DIP2C: variants seen among roughly 807,000 people sequenced by gnomAD.
DIP2C encodes the protein disco-interacting protein 2 homolog C.
In DIP2C, 33 loss-of-function variants were observed where a neutral mutation model predicts 192.4. The ratio of observed to expected loss-of-function variants is 0.17; its 90% CI spans 0.13 to 0.23. The LOEUF is 0.23. Among genes scored for constraint, DIP2C ranks in the 10% least tolerant of loss-of-function variants. The pLI, the probability that DIP2C is intolerant of heterozygous loss-of-function variation, is 1.00. For synonymous variants in DIP2C, 979 were observed against 864.1 expected, an observed-to-expected ratio of 1.13 and a Z score of -2.33; for missense variants, 1,537 against 2,110.1, an observed-to-expected ratio of 0.73 and a Z score of 5.32.
At position 283,454 on chromosome 10, in the gene DIP2C, C is replaced by T. The variant is rs554187484; in HGVS notation, c.4120-8G>A. ...GGCACTGTGAACCCAAATCTGCAAA[C>T]GGAGGGAAATGTCACTGTGGATGAC... On this transcript the variant is annotated splice_polypyrimidine_tract_variant and splice_region_variant and intron_variant, in intron 34 of 36. Coordinates refer to ENST00000280886, the MANE Select transcript of DIP2C (RefSeq NM_014974.3). 1.1e-5 allele frequency: 18 copies of T among 1,613,538 alleles called. No homozygotes were observed. The highest frequency in any genetic ancestry group is 9.9e-5 in the South Asian group (9 of 90,968).
intron 36 of DIP2C, 84 bp from the exon 37 acceptor site, chr10:277,661 T>C: frequency 1.3e-6 from 2 of 1,543,762 alleles, no homozygotes; most frequent in Non-Finnish European, 1.8e-6. Flanking sequence ...CACTTGGCTC[T>C]CTCTGACCTG....
intron 29 of DIP2C, among the ~76,000 whole-genome samples, chr10:331,024 C>T (rs770666986): frequency 6.1e-5 from 9 of 147,608 alleles, no homozygotes; most frequent in Non-Finnish European, 1.0e-4. Context: ...TATTGTTGCC[C>T]AGGCTGGTCT....
At chr10:525,352 G>GA (rs1846987770) in intron 1 of DIP2C, among the ~76,000 whole-genome samples, 2 of 152,156 alleles carry the variant, frequency 1.3e-5, no homozygotes, top group East Asian at 1.9e-4. Flanking sequence ...GAACACACAT[G>GA]AAATCCCTCT....
At chr10:635,620 G>A (rs1445792791) in intron 1 of DIP2C, among the ~76,000 whole-genome samples, 1 of 152,252 alleles carries the variant, frequency 6.6e-6, no homozygotes, top group Non-Finnish European at 1.5e-5. Flanking sequence ...GTATGACACA[G>A]CAGGAGGCCG....
At chr10:606,283 G>A (rs192663152) in intron 1 of DIP2C, among the ~76,000 whole-genome samples, 127 of 152,212 alleles carry the variant, frequency 8.3e-4, no homozygotes, top group African/African-American at 2.8e-3. Flanking sequence ...TCTGTCCGAG[G>A]GGGAAGACAC....
At chr10:581,971 G>C (rs141912365) in intron 1 of DIP2C, among the ~76,000 whole-genome samples, 2 of 152,166 alleles carry the variant, frequency 1.3e-5, no homozygotes, top group Non-Finnish European at 2.9e-5. Context: ...CCTCAGGTCA[G>C]GCATTGGATC....
chr10:687,692 G>A (rs1831384939), intron 1 of DIP2C, among the ~76,000 whole-genome samples: 1 of 152,208 alleles, frequency 6.6e-6, no homozygotes, highest in Non-Finnish European at 1.5e-5. Flanking sequence ...CATCATCTGG[G>A]CAGCAAGACA....
chr10:369,405 C>CGGGAACGT, intron 18 of DIP2C, 89 bp downstream of exon 18: 6 of 1,450,296 alleles, frequency 4.1e-6, no homozygotes, highest in East Asian at 5.0e-5. Flanking sequence ...CACGGGAACG[C>CGGGAACGT]GGGAACGTGG....
chr10:320,281 G>T (rs1328449098), intron 31 of DIP2C, among the ~76,000 whole-genome samples: 2 of 152,212 alleles, frequency 1.3e-5, no homozygotes, highest in Non-Finnish European at 2.9e-5. Context: ...AGGCTGAGGT[G>T]GGAGGATCAC....
intron 1 of DIP2C, among the ~76,000 whole-genome samples, chr10:502,511 GAC>G (rs1224002883): frequency 6.6e-6 from 1 of 152,036 alleles, no homozygotes; most frequent in Non-Finnish European, 1.5e-5. Context: ...GCCAGAAAAA[GAC>G]ATCATAATGA....
At chr10:387,922 T>C in intron 13 of DIP2C, 113 bp from the exon 14 acceptor site, 11 of 1,220,406 alleles carry the variant, frequency 9.0e-6, no homozygotes, top group Middle Eastern at 3.8e-4. Context: ...TGGGAAAATA[T>C]CATTTTGCCG....
intron 1 of DIP2C, among the ~76,000 whole-genome samples, chr10:687,404 G>A (rs1831375277): frequency 6.6e-6 from 1 of 152,210 alleles, no homozygotes. Context: ...AGATGAGGCA[G>A]TGGGGCCAGC....
At position 389,657 on chromosome 10, in the gene DIP2C, A is replaced by G. The variant is rs944458920; in HGVS notation, c.1597+334T>C. Reference sequence around the variant, plus strand: ...ACCTTTCAGGAGGTCCTTTGCATTCAGTGGGGTGGTAGGGATGGGTTCCTA... The same window carrying G: ...ACCTTTCAGGAGGTCCTTTGCATTCGGTGGGGTGGTAGGGATGGGTTCCTA... On this transcript the variant is annotated intron_variant, in intron 13 of 36. Coordinates refer to ENST00000280886, the MANE Select transcript of DIP2C (RefSeq NM_014974.3). Among the ~76,000 whole-genome samples the G allele has an allele frequency of 3.9e-5, 6 of 152,276 alleles. No individual in the cohort carries two copies. In the South Asian group the frequency reaches 8.3e-4, roughly 21 times the overall value.
intron 1 of DIP2C, among the ~76,000 whole-genome samples, chr10:507,613 T>C (rs1036409076): frequency 5.9e-5 from 9 of 152,262 alleles, no homozygotes; most frequent in African/African-American, 2.2e-4. Context: ...ATGTTTCCAG[T>C]GTCATCTCAG....
rs78126370 is a variant in DIP2C at position 438,028 on chromosome 10, G to T, written c.394+2843C>A. 3 of 152,220 alleles carry T rather than the reference G, an allele frequency of 2.0e-5. No homozygotes were observed. The East Asian group carries it at 5.8e-4, about 29-fold the overall frequency. The allele number at this position is 152,220 out of a possible 1,614,324, so 9.4% of individuals were successfully genotyped here. A position where few individuals can be genotyped will look rare whatever the true frequency, so the allele number is the denominator to read the frequency against. ...AAATTTTTATGATATTGATATTTAT[G>T]ATTGTACAAAACTACCCCATGTGAT... On this transcript the variant is annotated intron_variant, in intron 4 of 36. Coordinates refer to ENST00000280886, the MANE Select transcript of DIP2C (RefSeq NM_014974.3).
At chr10:535,693 A>T (rs1405504523) in intron 1 of DIP2C, among the ~76,000 whole-genome samples, 1 of 152,068 alleles carries the variant, frequency 6.6e-6, no homozygotes, top group Non-Finnish European at 1.5e-5. Flanking sequence ...TTACAGTCTG[A>T]TCATAAAAAC....
chr10:538,033 G>A (rs1318583874), intron 1 of DIP2C, among the ~76,000 whole-genome samples: 1 of 149,728 alleles, frequency 6.7e-6, no homozygotes, highest in Non-Finnish European at 1.5e-5. Context: ...CAAGCGATCT[G>A]CTGCCTCGGC....
intron 1 of DIP2C, among the ~76,000 whole-genome samples, chr10:577,920 C>A (rs545326496): frequency 6.6e-6 from 1 of 151,886 alleles, no homozygotes; most frequent in Non-Finnish European, 1.5e-5. Flanking sequence ...CTGGAATTTA[C>A]CTTTGAGACA....
intron 1 of DIP2C, among the ~76,000 whole-genome samples, chr10:606,084 G>T (rs747143844): frequency 7.2e-5 from 11 of 152,240 alleles, no homozygotes; most frequent in Non-Finnish European, 1.2e-4. Context: ...GCGCAGCGTG[G>T]AGACCGGGAA....
Sources: gnomAD v4.1 joint callset for allele counts (sites outside exome capture counted in the v4.1 genomes callset) on GRCh38, gnomAD v4.1.1 for gene constraint, MANE v1.5 for transcripts, NCBI Gene and HGNC (gene_info 2026-07-23, HGNC 2026-07-21) for gene names.